The following TENM2 variants were observed in gnomAD, a reference collection of about 807,000 sequenced individuals.
TENM2 encodes teneurin transmembrane protein 2, also known as teneurin-2.
TENM2 carries 52 observed loss-of-function variants against 245.2 expected under a neutral mutation model. The ratio of observed to expected loss-of-function variants is 0.21; its 90% CI spans 0.17 to 0.27. The LOEUF (loss-of-function observed/expected upper bound fraction) is 0.27. Ranked by LOEUF, TENM2 falls within the 10% of genes least tolerant of loss-of-function variation. TENM2 has a pLI of 1.00. For synonymous variants in TENM2, 1,363 were observed against 1,438.9 expected (o/e 0.95, Z 1.19); for missense variants, 3,046 against 3,666.8 (o/e 0.83, Z 4.37).
intron 9 of TENM2, among the ~76,000 whole-genome samples, chr5:168,115,359 G>GGGAAGGAAGGAAGGAAGGAAGGAA (rs55973990): frequency 8.0e-4 from 57 of 71,626 alleles, no homozygotes; most frequent in African/African-American, 2.4e-3. Flanking sequence ...AGGGAAGGAA[G>GGGAAGGAAGGAAGGAAGGAAGGAA]GGAAGGAAGG....
chr5:168,158,085 G>C (rs895737371), intron 12 of TENM2, among the ~76,000 whole-genome samples: 1 of 152,116 alleles, frequency 6.6e-6, no homozygotes, highest in Non-Finnish European at 1.5e-5. Context: ...ACCACACTCA[G>C]CTATCTTTTG....
At chr5:167,300,395 G>T (rs142952064) in intron 1 of TENM2, among the ~76,000 whole-genome samples, 1 of 152,168 alleles carries the variant, frequency 6.6e-6, no homozygotes, top group Non-Finnish European at 1.5e-5. Flanking sequence ...ACAGAATAAT[G>T]CGTTGTAGAG....
chr5:167,548,768 A>G (rs2127617793), intron 2 of TENM2, among the ~76,000 whole-genome samples: 1 of 152,284 alleles, frequency 6.6e-6, no homozygotes, highest in East Asian at 1.9e-4. Flanking sequence ...ACATACACAC[A>G]CACATGCACA....
intron 2 of TENM2, among the ~76,000 whole-genome samples, chr5:167,399,034 C>G (rs932870425): frequency 1.3e-5 from 2 of 152,124 alleles, no homozygotes; most frequent in African/African-American, 4.8e-5. Context: ...TTGAATCGAT[C>G]CGACATTAAA....
At chr5:167,287,576 G>A (rs1754363100) in intron 1 of TENM2, 1 of 152,166 alleles carries the variant, frequency 6.6e-6, no homozygotes, top group Non-Finnish European at 1.5e-5. Flanking sequence ...AAGTGATGGG[G>A]GCCCAGAGTC....
At chr5:168,163,529 C>A (rs1329261532) in intron 13 of TENM2, among the ~76,000 whole-genome samples, 1 of 152,170 alleles carries the variant, frequency 6.6e-6, no homozygotes, top group Admixed American at 6.5e-5. Context: ...GTAATCCCAG[C>A]ACTTTGGGAG....
rs1562229756 is a variant in TENM2, at chr5:168,158,839, A to ATT, written c.2423-3771_2423-3770insTT. 3.5e-4 allele frequency among the ~76,000 whole-genome samples: 30 copies of ATT among 85,884 alleles called. 1 individual carries two copies. The highest frequency in any genetic ancestry group is 1.2e-3 in the African/African-American group (29 of 23,460). The allele number at this position is 85,884 out of a possible 152,430, so 56.3% of individuals were successfully genotyped here. Reference sequence around the variant, plus strand: ...TGTGTGTGTGTGTGTGTATATATATATATATATATATACACACACACACAC... The same window carrying ATT: ...TGTGTGTGTGTGTGTGTATATATATATTTATATATATATACACACACACACAC... On this transcript the variant is annotated intron_variant, in intron 12 of 28. Coordinates refer to ENST00000518659, the Ensembl canonical transcript of TENM2.
chr5:167,681,468 T>C (rs1756699930), intron 2 of TENM2, among the ~76,000 whole-genome samples: 1 of 152,158 alleles, frequency 6.6e-6, no homozygotes, highest in Admixed American at 6.6e-5. Flanking sequence ...TAAGCAATGA[T>C]GGAATGAATA....
chr5:167,445,369 A>AGAGAGATAGAGAGAGAGT (rs35699708), intron 2 of TENM2, among the ~76,000 whole-genome samples: 1 of 98,578 alleles, frequency 1.0e-5, no homozygotes, highest in Admixed American at 1.2e-4. Context: ...AGAGAGAGAG[A>AGAGAGATAGAGAGAGAGT]GTGTCAGGTG....
intron 2 of TENM2, among the ~76,000 whole-genome samples, chr5:167,396,480 G>A (rs777095394): frequency 6.6e-6 from 1 of 152,102 alleles, no homozygotes; most frequent in Non-Finnish European, 1.5e-5. Context: ...GGAAGTTGTT[G>A]ATTAAATAGG....
intron 2 of TENM2, among the ~76,000 whole-genome samples, chr5:167,651,974 C>T (rs1031285501): frequency 8.5e-5 from 13 of 152,212 alleles, no homozygotes; most frequent in African/African-American, 3.1e-4. Context: ...CCACCTCTCT[C>T]CCACTACTTA....
the TENM2 span, among the ~76,000 whole-genome samples, chr5:167,146,252 A>T: frequency 6.4e-3 from 982 of 152,274 alleles, 12 homozygotes; most frequent in African/African-American, 0.023. Context: ...GTGAATGGCA[A>T]GTCAACAGGC....
At chr5:167,547,308 T>C (rs948380869) in intron 2 of TENM2, among the ~76,000 whole-genome samples, 18 of 152,110 alleles carry the variant, frequency 1.2e-4, no homozygotes, top group Admixed American at 1.3e-4. Flanking sequence ...TGACCTCAGA[T>C]GATCCACCCG....
the TENM2 span, among the ~76,000 whole-genome samples, chr5:167,239,338 C>T: frequency 1.3e-5 from 2 of 152,176 alleles, no homozygotes; most frequent in Non-Finnish European, 2.9e-5. Context: ...ATCACACTTC[C>T]AACTCCAGTG....
chr5:168,013,727 A>C (rs2152082901), intron 5 of TENM2, among the ~76,000 whole-genome samples: 1 of 152,212 alleles, frequency 6.6e-6, no homozygotes, highest in Middle Eastern at 3.4e-3. Context: ...TCTGAAGGAG[A>C]GTGTATTAGT....
intron 1 of TENM2, among the ~76,000 whole-genome samples, chr5:167,338,390 A>G (rs1464582669): frequency 6.6e-6 from 1 of 152,182 alleles, no homozygotes; most frequent in African/African-American, 2.4e-5. Context: ...GTTAACTAGG[A>G]ACTTCACTCC....
intron 2 of TENM2, among the ~76,000 whole-genome samples, chr5:167,802,600 T>C (rs1182404003): frequency 6.6e-6 from 1 of 152,182 alleles, no homozygotes; most frequent in Non-Finnish European, 1.5e-5. Context: ...CTTCCTCCTT[T>C]AGGCATGTCA....
intron 2 of TENM2, among the ~76,000 whole-genome samples, chr5:167,673,083 A>G (rs1756070731): frequency 6.6e-6 from 1 of 152,038 alleles, no homozygotes; most frequent in Non-Finnish European, 1.5e-5. Context: ...TTAAACAATC[A>G]TGTCTGTTAT....
the TENM2 span, among the ~76,000 whole-genome samples, chr5:167,189,193 C>G: frequency 6.6e-6 from 1 of 152,150 alleles, no homozygotes; most frequent in Non-Finnish European, 1.5e-5. Flanking sequence ...CTGATGACTA[C>G]TAGCCAGAAA....
Sources: allele counts gnomAD v4.1 joint callset (sites outside exome capture counted in the v4.1 genomes callset), GRCh38; gene constraint gnomAD v4.1.1; transcripts MANE v1.5; gene names NCBI Gene and HGNC (gene_info 2026-07-23, HGNC 2026-07-21).